The following AK5 variants were observed in gnomAD, a reference collection of about 807,000 sequenced individuals.
The protein encoded by AK5 is adenylate kinase 5, also known as adenylate kinase isoenzyme 5.
AK5 carries 27 observed loss-of-function variants against 69.5 expected under a neutral mutation model. That is an observed-to-expected ratio of 0.39 (90% CI 0.29 to 0.54). The LOEUF (loss-of-function observed/expected upper bound fraction) is 0.54, where lower values mean the gene tolerates loss of function less well. AK5 is among the 20% of genes least tolerant of loss of function. The pLI is 0.71. For synonymous variants in AK5, 260 were observed against 244.4 expected, an observed-to-expected ratio of 1.06 and a Z score of -0.60; for missense variants, 531 against 700.4, an observed-to-expected ratio of 0.76 and a Z score of 2.73.
Position 77,326,456 on chromosome 1 carries a change from T to A in AK5, c.700-13921T>A, listed in dbSNP as rs564057335. Among the ~76,000 whole-genome samples, 12 of 152,140 alleles carry A rather than the reference T, an allele frequency of 7.9e-5. No individual in the cohort carries two copies. In the South Asian group the frequency reaches 2.1e-3, roughly 26 times the overall value. On this transcript the variant is annotated intron_variant, in intron 5 of 13. Transcript: ENST00000354567. ...GAATAACACCAAAGTTTTTTTTTTTTAAAGTACTTTCATGTAAGTTTCAAA... is the reference window on the plus strand; with the variant it reads ...GAATAACACCAAAGTTTTTTTTTTTAAAAGTACTTTCATGTAAGTTTCAAA...
chr1:77,391,107 G>A (rs1165624894), intron 6 of AK5, among the ~76,000 whole-genome samples: 2 of 152,096 alleles, frequency 1.3e-5, no homozygotes, highest in South Asian at 2.1e-4. Context: ...TTGAGCGAAG[G>A]GAAAAGCAGA....
At chr1:77,418,447 A>G (rs758475775) in intron 8 of AK5, among the ~76,000 whole-genome samples, 1 of 152,182 alleles carries the variant, frequency 6.6e-6, no homozygotes, top group Non-Finnish European at 1.5e-5. Context: ...GAGCCAAACC[A>G]TATCACTAGT....
intron 8 of AK5, among the ~76,000 whole-genome samples, chr1:77,427,030 T>C (rs1403167688): frequency 2.0e-5 from 3 of 152,078 alleles, no homozygotes; most frequent in African/African-American, 7.2e-5. Flanking sequence ...TGTATATACA[T>C]TGAATTCATA....
At chr1:77,307,304 T>C (rs756213660) in intron 5 of AK5, among the ~76,000 whole-genome samples, 7 of 151,622 alleles carry the variant, frequency 4.6e-5, no homozygotes, top group Non-Finnish European at 7.4e-5. Context: ...GTTTTCATTA[T>C]CATTTGTTTG....
intron 8 of AK5, among the ~76,000 whole-genome samples, chr1:77,470,855 ATATATATATATATATATATATT>A (rs1402987941): frequency 0.016 from 47 of 2,882 alleles, 4 homozygotes; most frequent in East Asian, 0.038. Flanking sequence ...ATATATATAT[ATATATATATATATATATATATT>A]TTTTTTTTTT....
At chr1:77,291,819 C>G (rs139944283) in intron 2 of AK5, among the ~76,000 whole-genome samples, 2 of 152,254 alleles carry the variant, frequency 1.3e-5, no homozygotes, top group African/African-American at 4.8e-5. Context: ...AATGAAAAAA[C>G]TCTCAGATGG....
In AK5 at chr1:77,427,249, C is replaced by T. The variant is rs562176324; in HGVS notation, c.1059+9534C>T. Among the ~76,000 whole-genome samples the T allele has an allele frequency of 2.0e-5, 3 of 152,012 alleles. No individual in the cohort carries two copies. In the South Asian group the frequency reaches 6.2e-4, roughly 31 times the overall value. On this transcript the variant is annotated intron_variant, in intron 8 of 13. Coordinates refer to ENST00000354567, the MANE Select transcript of AK5 (RefSeq NM_174858.3). ...TGAAAAGATCCATAAAATCAATGAG[C>T]CTCTAGCCAGGCTAACCAAGGAAAA...
At position 77,367,555 on chromosome 1, in the gene AK5, T is replaced by TATATATATATATA. The variant is rs1553139660; in HGVS notation, c.891+26987_891+26988insATATATATATATA. 1.3e-3 allele frequency among the ~76,000 whole-genome samples: 80 copies of TATATATATATATA among 59,298 alleles called. 10 individuals are homozygous for TATATATATATATA. The highest frequency in any genetic ancestry group is 5.1e-3 in the African/African-American group (55 of 10,830). 38.9% of individuals were successfully genotyped at this position (59,298 alleles called of 152,430 possible). On this transcript the variant is annotated intron_variant, in intron 6 of 13. Transcript: ENST00000354567. ...TGTTGCCCAGACTCATTTATGTTAT[T>TATATATATATATA]TTTATATATATATATATATATATAA...
At chr1:77,475,380 ATATATATG>A (rs1223718867) in intron 8 of AK5, among the ~76,000 whole-genome samples, 31 of 47,952 alleles carry the variant, frequency 6.5e-4, no homozygotes, top group African/African-American at 1.2e-3. Context: ...AATATATATT[ATATATATG>A]TATATATATA....
intron 8 of AK5, among the ~76,000 whole-genome samples, chr1:77,480,388 G>A (rs766953185): frequency 2.6e-5 from 4 of 152,186 alleles, no homozygotes; most frequent in Non-Finnish European, 5.9e-5. Flanking sequence ...ATTTGAGCAA[G>A]TGTAATAGAA....
chr1:77,433,185 G>A lies in AK5; in HGVS notation c.1059+15470G>A, dbSNP rs1395632055. 2.6e-5 allele frequency among the ~76,000 whole-genome samples: 4 copies of A among 152,178 alleles called. No homozygotes were observed. The East Asian group carries it at 7.7e-4, about 29-fold the overall frequency. ...ATTAGGAGAATTCAGGTTCTGATCA[G>A]ATCTACAGGTAGAAGAGAAGAACTT... On this transcript the variant is annotated intron_variant, in intron 8 of 13. Transcript: ENST00000354567.
chr1:77,475,495 A>T (rs374376788), intron 8 of AK5, among the ~76,000 whole-genome samples: 3,232 of 46,950 alleles, frequency 0.069, 157 homozygotes, highest in South Asian at 0.16. Flanking sequence ...TATATATACA[A>T]ATATATATTA....
chr1:77,457,748 T>C (rs1353422819), intron 8 of AK5, among the ~76,000 whole-genome samples: 1 of 152,198 alleles, frequency 6.6e-6, no homozygotes, highest in East Asian at 1.9e-4. Context: ...AGTTTTGAGA[T>C]TCCTGGCTGC....
At chr1:77,373,849 A>G (rs1335481472) in intron 6 of AK5, among the ~76,000 whole-genome samples, 1 of 152,188 alleles carries the variant, frequency 6.6e-6, no homozygotes, top group East Asian at 1.9e-4. Flanking sequence ...TTGTAAATTT[A>G]CTTTTGCTTT....
chr1:77,418,988 A>G (rs1262201358), intron 8 of AK5, among the ~76,000 whole-genome samples: 1 of 152,146 alleles, frequency 6.6e-6, no homozygotes, highest in Admixed American at 6.6e-5. Flanking sequence ...AGTTTCTTAT[A>G]TTAACTCAGC....
At chr1:77,304,349 A>G (rs772910184) in intron 5 of AK5, among the ~76,000 whole-genome samples, 8 of 150,868 alleles carry the variant, frequency 5.3e-5, no homozygotes, top group Non-Finnish European at 7.4e-5. Flanking sequence ...ACAGGATCTC[A>G]TTCTTTTTTA....
Position 77,297,548 on chromosome 1 carries a change from T to C in AK5, c.416-11T>C. ...TCAGAAGATCACAGTTTTGCCTGTT[T>C]TAAATACTAGGTGGTCCAGGAAGTG... is the stretch of plus-strand genomic sequence containing the variant. On this transcript the variant is annotated splice_polypyrimidine_tract_variant and intron_variant, in intron 3 of 13. Transcript: ENST00000354567. The C allele has an allele frequency of 6.3e-7, 1 of 1,586,462 alleles. No individual in the cohort carries two copies. Among genetic ancestry groups the C allele is most frequent in the Non-Finnish European group, 8.5e-7 (1 of 1,169,816 alleles).
chr1:77,318,639 G>A (rs1385958427), intron 5 of AK5, among the ~76,000 whole-genome samples: 1 of 151,884 alleles, frequency 6.6e-6, no homozygotes, highest in East Asian at 1.9e-4. Flanking sequence ...ATTTGAGCAG[G>A]ACCCGGCTTG....
chr1:77,469,342 G>A, intron 8 of AK5, among the ~76,000 whole-genome samples: 1 of 152,188 alleles, frequency 6.6e-6, no homozygotes, highest in East Asian at 1.9e-4. Context: ...AGTTGACTTT[G>A]AGGAGAGTTC....
Sources: gnomAD v4.1 joint callset for allele counts (sites outside exome capture counted in the v4.1 genomes callset) on GRCh38, gnomAD v4.1.1 for gene constraint, MANE v1.5 for transcripts, NCBI Gene and HGNC (gene_info 2026-07-23, HGNC 2026-07-21) for gene names.